Variants in METTL15 observed in about 807,000 individuals in gnomAD.
METTL15 encodes 12S rRNA N(4)-cytidine methyltransferase METTL15.
In METTL15, 34 loss-of-function variants were observed where a neutral mutation model predicts 38.3. The ratio of observed to expected loss-of-function variants is 0.89; its 90% CI spans 0.68 to 1.18. METTL15 has a LOEUF of 1.18. Ranked by LOEUF, METTL15 falls within the 50% of genes most tolerant of loss-of-function variation. METTL15 has a pLI of 0.00. For missense variants in METTL15, 438 were observed against 498.4 expected (o/e 0.88, Z 1.15); for synonymous variants, 162 against 170.9 (o/e 0.95, Z 0.41).
chr11:28,512,373 G>A lies in METTL15; in HGVS notation c.*425-14105G>A, dbSNP rs930725348. On this transcript the variant is annotated intron_variant and NMD_transcript_variant, in intron 6 of 7. Transcript: ENST00000532947. ...TGGGTGGTTGATGGGACTGGGCACC[G>A]TGGAGCAGGGAGCAGCGCTCATCAG... 2.1e-4 allele frequency among the ~76,000 whole-genome samples: 32 copies of A among 152,320 alleles called. 1 individual carries two copies. Among genetic ancestry groups the A allele is most frequent in the African/African-American group, 6.3e-4 (26 of 41,590 alleles).
intron 5 of METTL15, among the ~76,000 whole-genome samples, chr11:28,362,446 A>G (rs546839490): frequency 6.6e-6 from 1 of 152,312 alleles, no homozygotes; most frequent in Non-Finnish European, 1.5e-5. Context: ...GGCCATAAGC[A>G]TAGTACCCAA....
chr11:28,372,308 CATCCCTGGGAAGA>C (rs1564909713), intron 5 of METTL15, among the ~76,000 whole-genome samples: 2 of 152,048 alleles, frequency 1.3e-5, no homozygotes, highest in Non-Finnish European at 2.9e-5. Flanking sequence ...ACCCTCGTTG[CATCCCTGGGAAGA>C]ATCTCACTTG....
intron 3 of METTL15, chr11:28,351,971 G>A (rs1564903717): frequency 6.6e-6 from 1 of 152,176 alleles, no homozygotes; most frequent in Non-Finnish European, 1.5e-5. Flanking sequence ...TTACAAAGGT[G>A]AAAACTGGCA....
intron 4 of METTL15, among the ~76,000 whole-genome samples, chr11:28,216,100 A>G (rs1852855579): frequency 1.3e-5 from 2 of 152,244 alleles, no homozygotes; most frequent in South Asian, 4.2e-4. Context: ...TAATATATAC[A>G]TGTATTGTAC....
chr11:28,353,952 A>C (rs918338994), intron 4 of METTL15, among the ~76,000 whole-genome samples: 12 of 151,846 alleles, frequency 7.9e-5, no homozygotes, highest in African/African-American at 2.2e-4. Context: ...AAAAAAAAAA[A>C]AGGTGTCAAG....
intron 6 of METTL15, among the ~76,000 whole-genome samples, chr11:28,457,821 T>C (rs1029576693): frequency 1.3e-5 from 2 of 152,234 alleles, no homozygotes; most frequent in Non-Finnish European, 2.9e-5. Flanking sequence ...TGAATAATCA[T>C]AACATAATCT....
chr11:28,218,259 G>A (rs1043600908), intron 4 of METTL15, among the ~76,000 whole-genome samples: 1 of 152,138 alleles, frequency 6.6e-6, no homozygotes, highest in Admixed American at 6.6e-5. Flanking sequence ...AGTTGTCCTG[G>A]AAGAAGTGCT....
intron 5 of METTL15, among the ~76,000 whole-genome samples, chr11:28,394,591 T>G (rs986827067): frequency 6.6e-6 from 1 of 152,094 alleles, no homozygotes; most frequent in Non-Finnish European, 1.5e-5. Flanking sequence ...TCAGTTCAAA[T>G]CTTCCTCTGC....
At chr11:28,356,239 T>A (rs2133364848) in intron 4 of METTL15, among the ~76,000 whole-genome samples, 1 of 152,326 alleles carries the variant, frequency 6.6e-6, no homozygotes, top group Non-Finnish European at 1.5e-5. Context: ...ATTTTGTCCA[T>A]TTATGTATTT....
rs185042952 is a variant in METTL15 at position 28,449,100 on chromosome 11, G to C, written c.*424+24736G>C. 1.9e-3 allele frequency among the ~76,000 whole-genome samples: 286 copies of C among 152,226 alleles called. 1 individual carries two copies. Among genetic ancestry groups the C allele is most frequent in the African/African-American group, 6.5e-3 (270 of 41,538 alleles). ...ATTTGTATTTTCTTTCTTCTATGTG[G>C]TTTCTGGGATCATTGCGCTATTTTA... On this transcript the variant is annotated intron_variant and NMD_transcript_variant, in intron 6 of 7. Coordinates refer to the METTL15 transcript ENST00000532947.
intron 5 of METTL15, among the ~76,000 whole-genome samples, chr11:28,388,641 A>G (rs1850466246): frequency 6.6e-6 from 1 of 152,158 alleles, no homozygotes; most frequent in Admixed American, 6.6e-5. Flanking sequence ...TAAGTATTCT[A>G]CAGACTCAAT....
intron 4 of METTL15, among the ~76,000 whole-genome samples, chr11:28,233,959 C>G (rs1304308838): frequency 2.0e-5 from 3 of 148,834 alleles, no homozygotes; most frequent in Admixed American, 6.7e-5. Context: ...CCCCCCTCCC[C>G]CTACCCCACA....
chr11:28,115,765 A>G (rs1034882620), intron 3 of METTL15, among the ~76,000 whole-genome samples: 1 of 152,094 alleles, frequency 6.6e-6, no homozygotes, highest in African/African-American at 2.4e-5. Flanking sequence ...TGCTGTTGCA[A>G]GGGTGGCAGA....
chr11:28,379,465 C>G (rs1032529779), intron 5 of METTL15, among the ~76,000 whole-genome samples: 4 of 151,780 alleles, frequency 2.6e-5, no homozygotes, highest in Non-Finnish European at 5.9e-5. Context: ...CTTCATTGAC[C>G]CATTGATCAG....
chr11:28,135,095 G>A (rs1180856374), intron 3 of METTL15, among the ~76,000 whole-genome samples: 2 of 152,076 alleles, frequency 1.3e-5, no homozygotes, highest in East Asian at 3.9e-4. Flanking sequence ...TTAAAATGTA[G>A]GCAAAAACTT....
chr11:28,513,513 T>C (rs952470367), intron 6 of METTL15, among the ~76,000 whole-genome samples: 28 of 151,998 alleles, frequency 1.8e-4, no homozygotes, highest in African/African-American at 6.3e-4. Context: ...ACCAGCTCGG[T>C]TGGGGAGACC....
intron 6 of METTL15, among the ~76,000 whole-genome samples, chr11:28,428,401 A>G (rs755753292): frequency 2.2e-4 from 34 of 152,226 alleles, no homozygotes; most frequent in Admixed American, 4.6e-4. Context: ...TATTTAGTGC[A>G]TAATTGTATA....
chr11:28,431,818 A>G (rs1273698565), intron 6 of METTL15, among the ~76,000 whole-genome samples: 1 of 146,794 alleles, frequency 6.8e-6, no homozygotes, highest in Admixed American at 6.7e-5. Context: ...GAAAAAAAAA[A>G]AAAAAGAAGA....
intron 4 of METTL15, among the ~76,000 whole-genome samples, chr11:28,220,958 G>T (rs1435390275): frequency 6.6e-6 from 1 of 152,128 alleles, no homozygotes. Context: ...TTCCCTTTGT[G>T]GGTAACCGGA....
Sources: allele counts gnomAD v4.1 joint callset (sites outside exome capture counted in the v4.1 genomes callset), GRCh38; gene constraint gnomAD v4.1.1; transcripts MANE v1.5; gene names NCBI Gene and HGNC (gene_info 2026-07-23, HGNC 2026-07-21).